The following FAM178B variants were observed in gnomAD, a reference collection of about 807,000 sequenced individuals.
The protein encoded by FAM178B is protein FAM178B.
In FAM178B, 82 loss-of-function variants were observed where a neutral mutation model predicts 91.7. The observed-to-expected ratio is 0.89, with a 90% CI of 0.75 to 1.07. The LOEUF is 1.07. FAM178B is among the 50% of genes least tolerant of loss of function. The probability of loss-of-function intolerance (pLI) is 0.00; values close to 1 mark genes in which losing one functional copy is unlikely to be tolerated. For synonymous variants in FAM178B, 368 were observed against 359.4 expected (o/e 1.02, Z -0.27); for missense variants, 769 against 846.7 (o/e 0.91, Z 1.14).
intron 2 of FAM178B, 69 bp downstream of exon 2, chr2:96,972,469 T>C (rs1298046619): frequency 2.6e-6 from 4 of 1,524,646 alleles, no homozygotes; most frequent in Non-Finnish European, 3.6e-6. Context: ...CCTTCAGCCA[T>C]GGGCTCTCCA....
rs113319086 is a variant in FAM178B, at chr2:96,967,530, G to C, written c.724C>G (p.Pro242Ala). Residue 242 changes from proline to alanine, a missense_variant, in exon 5 of 17, where the codon CCC (proline) becomes GCC (alanine). Physicochemically the swap from Pro to Ala is conservative, Grantham distance 27. Coordinates refer to ENST00000490605, the MANE Select transcript of FAM178B (RefSeq NM_001122646.3). ...DLDEEEVPLT[P>A]EHRMLVEKYS... ...GCCCCTGCCCCTCACCTGTGCTCGG[G>C]TGTGAGTGGCACTTCCTCTTCATCA... 132,141 of 1,545,100 alleles carry C rather than the reference G, an allele frequency of 0.086. 6,489 individuals carry two copies. Among genetic ancestry groups the C allele is most frequent in the Middle Eastern group, 0.15 (887 of 5,968 alleles).
intron 1 of FAM178B, among the ~76,000 whole-genome samples, chr2:96,986,017 C>T (rs2082418199): frequency 6.6e-6 from 1 of 152,236 alleles, no homozygotes; most frequent in South Asian, 2.1e-4. Context: ...AAGGTTCCAC[C>T]CCACCAAGGC....
At chr2:96,921,342 G>A in intron 11 of FAM178B, 80 bp from the exon 12 acceptor site, 1 of 1,504,116 alleles carries the variant, frequency 6.6e-7, no homozygotes, top group Non-Finnish European at 9.1e-7. Flanking sequence ...GCACAGGGGA[G>A]TAAGTGGGCA....
intron 14 of FAM178B, among the ~76,000 whole-genome samples, chr2:96,886,114 C>T (rs1559049930): frequency 6.6e-6 from 1 of 152,226 alleles, no homozygotes; most frequent in Non-Finnish European, 1.5e-5. Context: ...AAGGCCACTG[C>T]CCGTGACTGA....
chr2:96,985,854 A>G (rs914103172), intron 1 of FAM178B, among the ~76,000 whole-genome samples: 1 of 152,234 alleles, frequency 6.6e-6, no homozygotes, highest in South Asian at 2.1e-4. Context: ...CCAGCATCAT[A>G]AACTCCACAT....
At chr2:96,986,130 G>T in intron 1 of FAM178B, 111 bp downstream of exon 1, 1 of 1,487,024 alleles carries the variant, frequency 6.7e-7, no homozygotes, top group Non-Finnish European at 8.9e-7. Flanking sequence ...CCCGGCGGCC[G>T]CACCGGGGCT....
intron 5 of FAM178B, 80 bp from the exon 6 acceptor site, chr2:96,960,520 A>C (rs1452739388): frequency 6.3e-6 from 9 of 1,436,630 alleles, no homozygotes; most frequent in Non-Finnish European, 8.3e-6. Flanking sequence ...CCAGGGAAGG[A>C]TAGAGGGGGG....
chr2:96,940,461 GA>G (rs2153372534), intron 8 of FAM178B, among the ~76,000 whole-genome samples: 1 of 152,338 alleles, frequency 6.6e-6, no homozygotes, highest in African/African-American at 2.4e-5. Context: ...ATAAGATGGT[GA>G]AGAACAGAGA....
chr2:96,886,483 G>A (rs116130219), intron 14 of FAM178B, among the ~76,000 whole-genome samples: 2,594 of 152,342 alleles, frequency 0.017, 80 homozygotes, highest in African/African-American at 0.06. Flanking sequence ...AGGCTGTTGA[G>A]CCTGGAGGAG....
rs369827418 is a variant in FAM178B at position 96,965,105 on chromosome 2, T to C, written c.734+2415A>G. Among the ~76,000 whole-genome samples, 97 of 152,256 alleles carry C rather than the reference T, an allele frequency of 6.4e-4. 1 individual carries two copies. The South Asian group carries it at 0.019, about 31-fold the overall frequency. ...ACCTCCACCTCCCGGGTTCAAGTGA[T>C]TCTCCTGCTTCAGCCTCCTGAGTAG... On this transcript the variant is annotated intron_variant, in intron 5 of 16. Coordinates refer to ENST00000490605, the MANE Select transcript of FAM178B (RefSeq NM_001122646.3).
intron 13 of FAM178B, among the ~76,000 whole-genome samples, chr2:96,896,065 T>C (rs552734687): frequency 6.6e-6 from 1 of 152,208 alleles, no homozygotes; most frequent in Non-Finnish European, 1.5e-5. Context: ...CAAGTCAAGA[T>C]AGTTTCCAGA....
chr2:96,928,055 G>C (rs2081475578), intron 9 of FAM178B, among the ~76,000 whole-genome samples: 1 of 152,226 alleles, frequency 6.6e-6, no homozygotes, highest in African/African-American at 2.4e-5. Context: ...ATTTATAGCA[G>C]AGCTGAGTGT....
Position 96,876,260 on chromosome 2 carries a change from C to T in FAM178B, c.*16G>A. 1 of 1,607,504 alleles carries T rather than the reference C, an allele frequency of 6.2e-7. No individual in the cohort carries two copies. The highest frequency in any genetic ancestry group is 8.5e-7 in the Non-Finnish European group (1 of 1,177,756). On this transcript the variant is annotated 3_prime_UTR_variant, in exon 17 of 17. Coordinates refer to ENST00000490605, the MANE Select transcript of FAM178B (RefSeq NM_001122646.3). ...TGCTGAAGCCAGGAGCCCTGGGCTG[C>T]CCTGACCCTGTCCCTTTAGATGTCT...
chr2:96,936,350 C>T (rs184022879), intron 8 of FAM178B, among the ~76,000 whole-genome samples: 4,882 of 140,082 alleles, frequency 0.035, 134 homozygotes, highest in Middle Eastern at 0.053. Context: ...TACAGGCGCC[C>T]GCCACCACGC....
chr2:96,944,100 G>A (rs1034737600), intron 8 of FAM178B, among the ~76,000 whole-genome samples: 11 of 152,002 alleles, frequency 7.2e-5, no homozygotes, highest in East Asian at 1.9e-4. Flanking sequence ...AAAATTAGCC[G>A]GGTGTGGTAG....
chr2:96,933,577 C>G (rs564846657), intron 8 of FAM178B, among the ~76,000 whole-genome samples: 30 of 152,226 alleles, frequency 2.0e-4, no homozygotes, highest in African/African-American at 5.8e-4. Context: ...CTCCTGCCCC[C>G]CTTCTGGGCC....
At chr2:96,898,436 C>T (rs1270489175) in intron 13 of FAM178B, among the ~76,000 whole-genome samples, 1 of 152,196 alleles carries the variant, frequency 6.6e-6, no homozygotes, top group African/African-American at 2.4e-5. Flanking sequence ...AAGAGGATCA[C>T]TTGAGCCCAG....
intron 1 of FAM178B, 117 bp downstream of exon 1, chr2:96,986,124 G>C: frequency 6.7e-7 from 1 of 1,481,802 alleles, no homozygotes; most frequent in Non-Finnish European, 8.9e-7. Context: ...GAGTAGCCCG[G>C]CGGCCGCACC....
At chr2:96,915,479 T>TGG (rs1225161472) in intron 12 of FAM178B, among the ~76,000 whole-genome samples, 1 of 151,420 alleles carries the variant, frequency 6.6e-6, no homozygotes, top group African/African-American at 2.4e-5. Flanking sequence ...GAACTGGCTG[T>TGG]GGGGGTAAGA....
Sources: allele counts gnomAD v4.1 joint callset (sites outside exome capture counted in the v4.1 genomes callset), GRCh38; gene constraint gnomAD v4.1.1; transcripts MANE v1.5; gene names NCBI Gene and HGNC (gene_info 2026-07-23, HGNC 2026-07-21).